The following VRK3 variants were observed in gnomAD, a reference collection of about 807,000 sequenced individuals.
VRK3 encodes the protein VRK serine/threonine kinase 3.
In VRK3, 50 loss-of-function variants were observed where a neutral mutation model predicts 60.4. The ratio of observed to expected loss-of-function variants is 0.83; its 90% confidence interval spans 0.66 to 1.05. The LOEUF (loss-of-function observed/expected upper bound fraction) is 1.05, where lower values mean the gene tolerates loss of function less well. VRK3 is among the 50% of genes least tolerant of loss of function. The pLI is 0.00. For synonymous variants in VRK3, 246 were observed against 227.8 expected, an observed-to-expected ratio of 1.08 and a Z score of -0.72; for missense variants, 549 against 585.3, an observed-to-expected ratio of 0.94 and a Z score of 0.64.
chr19:50,014,279 C>G (rs533988635), intron 3 of VRK3, among the ~76,000 whole-genome samples: 11 of 151,712 alleles, frequency 7.3e-5, no homozygotes, highest in African/African-American at 2.7e-4. Context: ...AAAAACAAAG[C>G]TGGGCATGGT....
intron 14 of VRK3, 119 bp downstream of exon 14, chr19:49,978,963 TG>T: frequency 9.1e-7 from 1 of 1,096,714 alleles, no homozygotes. Flanking sequence ...AGTGTCTCCC[TG>T]GGAAGCTGGG....
At chr19:50,009,516 T>C in intron 3 of VRK3, 131 bp from the exon 4 acceptor site, 1 of 1,050,538 alleles carries the variant, frequency 9.5e-7, no homozygotes, top group South Asian at 1.7e-5. Flanking sequence ...TCTTGCTTCT[T>C]CTATTATGTA....
chr19:50,011,971 C>CTT (rs36006212), intron 3 of VRK3, among the ~76,000 whole-genome samples: 23 of 139,256 alleles, frequency 1.7e-4, no homozygotes, highest in African/African-American at 5.1e-4. Context: ...CTTGCTCATT[C>CTT]TTTTTTTTTT....
At chr19:49,995,055 C>A (rs1461591263) in intron 8 of VRK3, 136 bp from the exon 9 acceptor site, 4 of 1,260,360 alleles carry the variant, frequency 3.2e-6, no homozygotes, top group African/African-American at 3.0e-5. Context: ...GGCTGGGCAG[C>A]AAACTAGGTC....
At chr19:50,021,435 T>C (rs753466104) in intron 1 of VRK3, among the ~76,000 whole-genome samples, 10 of 152,168 alleles carry the variant, frequency 6.6e-5, no homozygotes, top group Non-Finnish European at 1.0e-4. Flanking sequence ...TGCTCACCCA[T>C]GGAAGCCAGT....
chr19:49,981,193 C>T (rs549748254), intron 12 of VRK3, 180 bp from the exon 13 acceptor site: 1 of 636,508 alleles, frequency 1.6e-6, no homozygotes, highest in African/African-American at 1.8e-5. Context: ...TACCATTGCT[C>T]CCAAGGGAAA....
intron 1 of VRK3, among the ~76,000 whole-genome samples, chr19:50,023,031 G>T (rs538857646): frequency 6.6e-5 from 10 of 152,246 alleles, no homozygotes; most frequent in Admixed American, 6.5e-4. Flanking sequence ...TGACAAGAAC[G>T]TTTCTTCCCC....
At chr19:50,011,961 C>T (rs893407684) in intron 3 of VRK3, among the ~76,000 whole-genome samples, 1 of 148,528 alleles carries the variant, frequency 6.7e-6, no homozygotes, top group African/African-American at 2.5e-5. Flanking sequence ...CAACTCCCAC[C>T]TTGCTCATTC....
intron 3 of VRK3, 194 bp downstream of exon 3, chr19:50,015,830 C>T (rs2077066885): frequency 1.5e-6 from 1 of 675,960 alleles, no homozygotes; most frequent in Non-Finnish European, 2.5e-6. Context: ...AACATGGAGA[C>T]AGTGTTCAAA....
intron 3 of VRK3, 34 bp from the exon 4 acceptor site, chr19:50,009,419 T>G: frequency 6.2e-7 from 1 of 1,609,978 alleles, no homozygotes; most frequent in Non-Finnish European, 8.5e-7. Flanking sequence ...AGACTGGAGT[T>G]ACAAAGGCCC....
In VRK3 at chr19:50,016,062, G is replaced by A; in HGVS notation, c.101C>T (p.Ser34Phe). Residue 34 changes from serine (S) to phenylalanine (F), a missense_variant, in exon 3 of 15, where the codon TCC (serine) becomes TTC (phenylalanine). Coordinates refer to ENST00000316763, the MANE Select transcript of VRK3 (RefSeq NM_016440.4). Reference protein sequence around the residue: ...NSLPVEEHVGSQTFVNPHVSS... With the variant: ...NSLPVEEHVGFQTFVNPHVSS... ...CACATGTGGATTGACAAAGGTCTGG[G>A]ACCCTACATGCTCCTCTACAGGCAA... is the stretch of plus-strand genomic sequence containing the variant. The A allele has an allele frequency of 6.2e-7, 1 of 1,614,176 alleles. No homozygotes were observed.
At chr19:49,977,707 G>C (rs534680070) in intron 14 of VRK3, among the ~76,000 whole-genome samples, 4 of 152,268 alleles carry the variant, frequency 2.6e-5, no homozygotes, top group African/African-American at 7.2e-5. Flanking sequence ...AAGGGTGTTG[G>C]GGAGGACCCC....
intron 3 of VRK3, among the ~76,000 whole-genome samples, chr19:50,010,317 T>C (rs1241375445): frequency 6.6e-6 from 1 of 152,200 alleles, no homozygotes; most frequent in Non-Finnish European, 1.5e-5. Flanking sequence ...AAGTCTGTGG[T>C]CTTGGCAGGT....
At chr19:49,995,145 A>G (rs1405846493) in intron 8 of VRK3, 46 bp downstream of exon 8, 3 of 1,590,688 alleles carry the variant, frequency 1.9e-6, no homozygotes, top group Non-Finnish European at 2.6e-6. Context: ...CAACAGGAAG[A>G]AGAGGAAAGA....
At chr19:50,012,300 A>G (rs897254798) in intron 3 of VRK3, among the ~76,000 whole-genome samples, 1 of 152,102 alleles carries the variant, frequency 6.6e-6, no homozygotes, top group African/African-American at 2.4e-5. Context: ...GCTCAGCTCA[A>G]ACTTTACCCA....
At chr19:49,991,820 G>A (rs765993557) in intron 10 of VRK3, among the ~76,000 whole-genome samples, 21 of 152,206 alleles carry the variant, frequency 1.4e-4, no homozygotes, top group Non-Finnish European at 3.1e-4. Flanking sequence ...GGATCCTGCC[G>A]TGCCCGAGAC....
rs1383120617 is a variant in VRK3 at position 49,979,236 on chromosome 19, AG to A, written c.1282del (p.Leu428CysfsTer5). ...CGHWIRPSETLQKYLKVVMAL... is the reference protein window; with the variant it reads ...CGHWIRPSETXQKYLKVVMAL... ...CATCACCACCTTCAGGTACTTCTGC[AG>A]GGTCTCTGTGGTCAAGACAACCCCC... On this transcript the variant is annotated frameshift_variant, in exon 14 of 15. Coordinates refer to ENST00000316763, the MANE Select transcript of VRK3 (RefSeq NM_016440.4). LOFTEE classifies it high-confidence loss of function. 2 of 1,613,778 alleles carry A rather than the reference AG, an allele frequency of 1.2e-6. No individual in the cohort carries two copies. Among genetic ancestry groups the A allele is most frequent in the Non-Finnish European group, 1.7e-6 (2 of 1,179,928 alleles).
chr19:50,017,124 G>T lies in VRK3; in HGVS notation c.-1-961C>A, dbSNP rs147773545. On this transcript the variant is annotated intron_variant, in intron 2 of 14. Coordinates refer to ENST00000316763, the MANE Select transcript of VRK3 (RefSeq NM_016440.4). Reference sequence around the variant, plus strand: ...CAGGAAAGTTGCTTGAACCCGGGAGGTGGAGGTTGCAGTGAACCAAGATCA... The same window carrying T: ...CAGGAAAGTTGCTTGAACCCGGGAGTTGGAGGTTGCAGTGAACCAAGATCA... Among the ~76,000 whole-genome samples the T allele has an allele frequency of 5.3e-5, 8 of 152,154 alleles. No individual in the cohort carries two copies. In the South Asian group the frequency reaches 1.7e-3, roughly 32 times the overall value.
In VRK3 at chr19:50,015,761, T is replaced by C; in HGVS notation, c.139+263A>G. On this transcript the variant is annotated intron_variant, in intron 3 of 14. Transcript: ENST00000316763. ...AGGTGCCAAGCTGGCAGGCTGCACA[T>C]ATATCTCCTCCAAGCAGGGGAGTCC... The C allele has an allele frequency of 1.1e-5, 5 of 472,572 alleles. No individual in the cohort carries two copies. In the Admixed American group the frequency reaches 1.3e-4, roughly 12 times the overall value. The allele number at this position is 472,572 out of a possible 1,614,324, so 29.3% of individuals were successfully genotyped here.
Sources: allele counts gnomAD v4.1 joint callset (sites outside exome capture counted in the v4.1 genomes callset), GRCh38; gene constraint gnomAD v4.1.1; transcripts MANE v1.5; gene names NCBI Gene and HGNC (gene_info 2026-07-23, HGNC 2026-07-21).